ZNF385B: variants seen among roughly 807,000 people sequenced by gnomAD.
ZNF385B encodes zinc finger protein 533.
In ZNF385B, 23 loss-of-function variants were observed where a neutral mutation model predicts 39.2. That is an observed-to-expected ratio of 0.59 (90% CI 0.42 to 0.83). ZNF385B has a LOEUF of 0.83. Among genes scored for constraint, ZNF385B ranks in the 40% least tolerant of loss-of-function variants. ZNF385B has a pLI of 0.00. For missense variants in ZNF385B, 552 were observed against 598.9 expected (o/e 0.92, Z 0.82); for synonymous variants, 205 against 222.6 (o/e 0.92, Z 0.70).
chr2:179,713,821 C>T (rs1700155062), intron 3 of ZNF385B, among the ~76,000 whole-genome samples: 1 of 152,134 alleles, frequency 6.6e-6, no homozygotes, highest in Non-Finnish European at 1.5e-5. Context: ...TGTGTGTTTC[C>T]TGCTTAACTC....
At chr2:179,687,806 T>C (rs1322094661) in intron 3 of ZNF385B, among the ~76,000 whole-genome samples, 1 of 152,224 alleles carries the variant, frequency 6.6e-6, no homozygotes, top group Admixed American at 6.5e-5. Context: ...TCATGGGGTT[T>C]ATGTGAAAAT....
intron 1 of ZNF385B, among the ~76,000 whole-genome samples, chr2:179,830,479 T>G (rs1287915961): frequency 6.6e-6 from 1 of 152,198 alleles, no homozygotes; most frequent in Non-Finnish European, 1.5e-5. Context: ...GCAACCTAGA[T>G]GTCCTTCAAA....
At chr2:179,483,028 T>C (rs1386819462) in intron 6 of ZNF385B, among the ~76,000 whole-genome samples, 1 of 150,458 alleles carries the variant, frequency 6.6e-6, no homozygotes, top group Non-Finnish European at 1.5e-5. Context: ...TATATACTTA[T>C]ATATATATAT....
chr2:179,784,153 T>C (rs961846878), intron 1 of ZNF385B, among the ~76,000 whole-genome samples: 3 of 152,174 alleles, frequency 2.0e-5, no homozygotes, highest in African/African-American at 7.2e-5. Context: ...TAAAAAAGAA[T>C]GAGGTCATGT....
chr2:179,835,707 C>A (rs185096591), intron 1 of ZNF385B, among the ~76,000 whole-genome samples: 9 of 152,062 alleles, frequency 5.9e-5, no homozygotes, highest in Non-Finnish European at 5.9e-5. Flanking sequence ...TTTCCTGGAA[C>A]TGGTGTTCTC....
chr2:179,621,168 GA>G (rs994643692), intron 3 of ZNF385B, among the ~76,000 whole-genome samples: 4 of 151,968 alleles, frequency 2.6e-5, no homozygotes, highest in Admixed American at 2.6e-4. Flanking sequence ...AGGGGAGGGG[GA>G]AAAAGATAAC....
intron 6 of ZNF385B, among the ~76,000 whole-genome samples, chr2:179,467,215 C>T (rs1252665825): frequency 6.6e-6 from 1 of 152,078 alleles, no homozygotes; most frequent in Non-Finnish European, 1.5e-5. Flanking sequence ...TTTAGGCTTC[C>T]TCCAACTAGA....
chr2:179,545,718 C>A (rs1459372314), intron 3 of ZNF385B, among the ~76,000 whole-genome samples: 1 of 152,040 alleles, frequency 6.6e-6, no homozygotes, highest in Non-Finnish European at 1.5e-5. Context: ...TTAACTGTCA[C>A]CTCTATTTGT....
chr2:179,584,837 T>C (rs945664997), intron 3 of ZNF385B, among the ~76,000 whole-genome samples: 1 of 152,144 alleles, frequency 6.6e-6, no homozygotes, highest in Non-Finnish European at 1.5e-5. Context: ...AGATGCCATA[T>C]GTATAAATGA....
intron 3 of ZNF385B, among the ~76,000 whole-genome samples, chr2:179,760,044 G>C (rs992220064): frequency 7.9e-6 from 1 of 125,948 alleles, no homozygotes. Flanking sequence ...TCTACCCATA[G>C]TAAAAATTTT....
At chr2:179,746,352 G>A (rs573076839) in intron 3 of ZNF385B, among the ~76,000 whole-genome samples, 9 of 152,204 alleles carry the variant, frequency 5.9e-5, no homozygotes, top group African/African-American at 1.9e-4. Flanking sequence ...CTGGGACTTC[G>A]CTATAGACAA....
chr2:179,458,690 G>C (rs1183955978), intron 6 of ZNF385B, among the ~76,000 whole-genome samples: 3 of 152,060 alleles, frequency 2.0e-5, no homozygotes, highest in Non-Finnish European at 1.5e-5. Flanking sequence ...AAGAAAAGAA[G>C]GAATGACTCT....
At chr2:179,788,475 T>A (rs374122757) in intron 1 of ZNF385B, among the ~76,000 whole-genome samples, 4 of 152,258 alleles carry the variant, frequency 2.6e-5, no homozygotes, top group South Asian at 4.1e-4. Flanking sequence ...GAGGCTCCCT[T>A]GAGAGTTCAG....
intron 6 of ZNF385B, among the ~76,000 whole-genome samples, chr2:179,472,896 A>C (rs1486685243): frequency 6.6e-6 from 1 of 152,158 alleles, no homozygotes; most frequent in African/African-American, 2.4e-5. Context: ...ATGGCTGTAC[A>C]TACAGCAACC....
In ZNF385B at chr2:179,686,174, A is replaced by G. The variant is rs183138146; in HGVS notation, c.298+83329T>C. 1.6e-3 allele frequency among the ~76,000 whole-genome samples: 238 copies of G among 152,322 alleles called. 3 individuals are homozygous for G. The highest frequency in any genetic ancestry group is 1.3e-4 in the Non-Finnish European group (9 of 68,028). ...CCCTCCCTTTACTTGAGCACTAACC[A>G]TCAGTTGTTCATGTTGCTGTGTCCC... On this transcript the variant is annotated intron_variant, in intron 3 of 9. Transcript: ENST00000410066.
chr2:179,604,690 T>C (rs1458243754), intron 3 of ZNF385B, among the ~76,000 whole-genome samples: 1 of 152,018 alleles, frequency 6.6e-6, no homozygotes, highest in African/African-American at 2.4e-5. Flanking sequence ...TATATAGATA[T>C]TAATTTGTTG....
At chr2:179,450,274 C>T (rs1450035961) in intron 6 of ZNF385B, among the ~76,000 whole-genome samples, 11 of 152,152 alleles carry the variant, frequency 7.2e-5, no homozygotes, top group Admixed American at 7.2e-4. Context: ...AACTCAAGAG[C>T]TTCTGCACAG....
chr2:179,807,929 A>AGAAACAAAGAAG (rs749760813), intron 1 of ZNF385B, among the ~76,000 whole-genome samples: 1 of 116,414 alleles, frequency 8.6e-6, no homozygotes, highest in African/African-American at 2.9e-5. Context: ...AAAGAAAGAA[A>AGAAACAAAGAAG]GAAGGAAGGA....
chr2:179,791,015 T>C (rs16866993), intron 1 of ZNF385B, among the ~76,000 whole-genome samples: 4,051 of 152,302 alleles, frequency 0.027, 145 homozygotes, highest in African/African-American at 0.08. Context: ...ACCCAACAAG[T>C]GCTCCTGTCA....
Sources: allele counts gnomAD v4.1 joint callset (sites outside exome capture counted in the v4.1 genomes callset), GRCh38; gene constraint gnomAD v4.1.1; transcripts MANE v1.5; gene names NCBI Gene and HGNC (gene_info 2026-07-23, HGNC 2026-07-21).